MYL2: variants seen among roughly 807,000 people sequenced by gnomAD.
MYL2 encodes the protein myosin light chain 2, also known as myosin regulatory light chain 2, ventricular/cardiac muscle isoform.
In MYL2, 19 loss-of-function variants were observed where a neutral mutation model predicts 23.0. The observed-to-expected ratio is 0.83, with a 90% confidence interval of 0.58 to 1.21. The LOEUF is 1.21. MYL2 is among the 50% of genes most tolerant of loss of function. MYL2 has a pLI of 0.00. For synonymous variants in MYL2, 78 were observed against 76.2 expected, an observed-to-expected ratio of 1.02 and a Z score of -0.13; for missense variants, 180 against 215.1, an observed-to-expected ratio of 0.84 and a Z score of 1.02.
chr12:110,914,461 T>C (rs1015206181), intron 3 of MYL2, 171 bp from the exon 4 acceptor site: 8 of 672,540 alleles, frequency 1.2e-5, no homozygotes, highest in Non-Finnish European at 1.9e-5. Context: ...ACAGTGTTAT[T>C]TATAATAACC....
Position 110,911,074 on chromosome 12 carries a change from C to A in MYL2, c.*3G>T, listed in dbSNP as rs530713211. 1 of 1,613,782 alleles carries A rather than the reference C, an allele frequency of 6.2e-7. No individual in the cohort carries two copies. Among genetic ancestry groups the A allele is most frequent in the Admixed American group, 1.7e-5 (1 of 59,998 alleles). ...AGCCCAGGGCGCAGCAGCGAGCCCC[C>A]TCCTAGTCCTTCTCTTCTCCGTGGG... On this transcript the variant is annotated 3_prime_UTR_variant, in exon 7 of 7. Transcript: ENST00000228841.
At chr12:110,920,452 C>G in intron 1 of MYL2, 75 bp downstream of exon 1, 1 of 1,610,068 alleles carries the variant, frequency 6.2e-7, no homozygotes, top group Non-Finnish European at 8.5e-7. Flanking sequence ...CCCCCTCCGC[C>G]GTGGTCCCTC....
At chr12:110,920,681 GC>G (rs909924038), upstream of MYL2, 61 of 1,070,970 alleles carry the variant, frequency 5.7e-5, no homozygotes, top group African/African-American at 6.2e-5. Context: ...ACCACCTAAG[GC>G]CCCCCCACCC....
At chr12:110,913,745 G>T (rs1477430265) in intron 4 of MYL2, among the ~76,000 whole-genome samples, 1 of 152,124 alleles carries the variant, frequency 6.6e-6, no homozygotes, top group African/African-American at 2.4e-5. Flanking sequence ...TAGTTGCTGT[G>T]TTTTTGTTTT....
Position 110,920,507 on chromosome 12 carries a change from C to T in MYL2, c.3+20G>A, listed in dbSNP as rs967103484. ...CCTCGCCCACCCGGCATCATCACCT[C>T]CTGGAGCCCTTGTACTCACCATGGT... On this transcript the variant is annotated intron_variant, in intron 1 of 6. Transcript: ENST00000228841. 16 of 1,614,036 alleles carry T rather than the reference C, an allele frequency of 9.9e-6. No individual in the cohort carries two copies. Among genetic ancestry groups the T allele is most frequent in the Non-Finnish European group, 1.4e-5 (16 of 1,180,046 alleles).
In MYL2 at chr12:110,919,803, A is replaced by G. The variant is rs551805777; in HGVS notation, c.4-610T>C. Among the ~76,000 whole-genome samples, 5 of 152,310 alleles carry G rather than the reference A, an allele frequency of 3.3e-5. No homozygotes were observed. In the South Asian group the frequency reaches 1.0e-3, roughly 32 times the overall value. ...CCCACCCCACTTCTCTCTGACTTTC[A>G]ATAACAGCAAATGATTCGGTACTCT... On this transcript the variant is annotated intron_variant, in intron 1 of 6. Transcript: ENST00000228841.
chr12:110,917,305 T>C (rs890590430), intron 2 of MYL2, among the ~76,000 whole-genome samples: 4 of 151,898 alleles, frequency 2.6e-5, no homozygotes, highest in Admixed American at 6.6e-5. Flanking sequence ...TAAAAAATAA[T>C]AGCTTTAGGC....
Position 110,920,540 on chromosome 12 carries a change from A to G in MYL2, c.-11T>C, listed in dbSNP as rs2071716243. The G allele has an allele frequency of 6.2e-7, 1 of 1,614,086 alleles. No individual in the cohort carries two copies. The highest frequency in any genetic ancestry group is 8.5e-7 in the Non-Finnish European group (1 of 1,180,018). Reference sequence around the variant, plus strand: ...CCTTGTACTCACCATGGTGGAAAGGACCCAGCACTGCCTCCCGAGAAGAAT... The same window carrying G: ...CCTTGTACTCACCATGGTGGAAAGGGCCCAGCACTGCCTCCCGAGAAGAAT... On this transcript the variant is annotated 5_prime_UTR_variant, in exon 1 of 7. Coordinates refer to ENST00000228841, the MANE Select transcript of MYL2 (RefSeq NM_000432.4).
rs752641375 is a variant in MYL2 at position 110,919,167 on chromosome 12, G to T, written c.30C>A (p.Ala10=). MAPKKAKKR[A]GGANSNVFSM... The stretch of plus-strand genomic sequence containing the variant: ...AGAACACGTTGGAGTTGGCGCCCCC[G>T]GCTCTCTTCTTTGCTTTCTTAGGTG... The change falls in exon 2 of 7, where the codon GCC becomes GCA. Residue 10 remains alanine (A), a synonymous_variant. Transcript: ENST00000228841. The T allele has an allele frequency of 1.2e-6, 2 of 1,613,650 alleles. No homozygotes were observed. The highest frequency in any genetic ancestry group is 8.5e-7 in the Non-Finnish European group (1 of 1,180,002).
chr12:110,919,087 T>A lies in MYL2; in HGVS notation c.93+17A>T, dbSNP rs753749960. On this transcript the variant is annotated intron_variant, in intron 2 of 6. Transcript: ENST00000228841. ...TGGGATTTCCATCCAGGCGGATGAT[T>A]CAATAGCTGCACCCACCTCCTTAAA... 2.0e-5 allele frequency: 33 copies of A among 1,611,702 alleles called. No homozygotes were observed. The highest frequency in any genetic ancestry group is 2.8e-5 in the Non-Finnish European group (33 of 1,178,062).
chr12:110,920,835 C>T (rs549333956), upstream of MYL2: 19 of 530,536 alleles, frequency 3.6e-5, no homozygotes, highest in Admixed American at 9.4e-5. Context: ...GTGCTTGGGC[C>T]GGGGACACTT....
At position 110,913,234 on chromosome 12, in the gene MYL2, G is replaced by T. The variant is rs186323458; in HGVS notation, c.353+12C>A. On this transcript the variant is annotated intron_variant, in intron 5 of 6. Coordinates refer to ENST00000228841, the MANE Select transcript of MYL2 (RefSeq NM_000432.4). ...CAGGGAACCCCCTTCCTCCCCCACAGACCCCACTCACTAATCAGCCTTCAG... is the reference window on the plus strand; with the variant it reads ...CAGGGAACCCCCTTCCTCCCCCACATACCCCACTCACTAATCAGCCTTCAG... The T allele has an allele frequency of 1.4e-4, 219 of 1,614,194 alleles. No homozygotes were observed. In the East Asian group the frequency reaches 4.1e-3, roughly 30 times the overall value.
intron 1 of MYL2, 81 bp downstream of exon 1, chr12:110,920,446 C>G (rs926607161): frequency 1.2e-6 from 2 of 1,607,216 alleles, no homozygotes; most frequent in Admixed American, 1.7e-5. Context: ...CTTCCTCCCC[C>G]TCCGCCGTGG....
intron 6 of MYL2, among the ~76,000 whole-genome samples, chr12:110,912,055 T>C (rs1354704247): frequency 1.3e-5 from 2 of 152,072 alleles, no homozygotes; most frequent in Non-Finnish European, 2.9e-5. Context: ...ACACAGCAGG[T>C]GGAAAGTGAA....
At chr12:110,913,490 G>A (rs549281315) in intron 4 of MYL2, among the ~76,000 whole-genome samples, 166 bp from the exon 5 acceptor site, 8 of 152,296 alleles carry the variant, frequency 5.3e-5, no homozygotes, top group East Asian at 1.9e-4. Flanking sequence ...TCTGTATTTC[G>A]AAGAGAGGGC....
chr12:110,911,242 GTGGGC>G, intron 6 of MYL2, 67 bp from the exon 7 acceptor site: 2 of 564,294 alleles, frequency 3.5e-6, no homozygotes, highest in Non-Finnish European at 6.2e-6. Flanking sequence ...GTGGGGGGCT[GTGGGC>G]GGGGCCTGAG....
chr12:110,918,007 TG>T lies in MYL2; in HGVS notation c.93+1096del, dbSNP rs1445450313. ...GCTGAGGTGGGAGGATTGATTAATC[TG>T]GGAGGTTGATGCTGCAGGGAGCCGT... On this transcript the variant is annotated intron_variant, in intron 2 of 6. Transcript: ENST00000228841. The surrounding 1 kb of genome is among the most constrained non-coding windows in gnomAD (Gnocchi z 4.4). 6.6e-6 allele frequency among the ~76,000 whole-genome samples: 1 copy of T among 152,160 alleles called. No homozygotes were observed.
upstream of MYL2, among the ~76,000 whole-genome samples, chr12:110,920,911 A>G (rs1237004399): frequency 6.6e-6 from 1 of 152,258 alleles, no homozygotes; most frequent in Non-Finnish European, 1.5e-5. Flanking sequence ...CTGTTTTATC[A>G]GCCTGGATCT....
Position 110,918,470 on chromosome 12 carries a change from TG to T in MYL2, c.93+633del, listed in dbSNP as rs199713472. Reference sequence around the variant, plus strand: ...GGCATAGGAATTAGTGCTGTGATTTTGGGGGGCAATTCGGACCAGCAGTTCT... The same window carrying T: ...GGCATAGGAATTAGTGCTGTGATTTTGGGGGCAATTCGGACCAGCAGTTCT... On this transcript the variant is annotated intron_variant, in intron 2 of 6. Transcript: ENST00000228841. The surrounding 1 kb of genome is among the most constrained non-coding windows in gnomAD (Gnocchi z 4.4). Among the ~76,000 whole-genome samples the T allele has an allele frequency of 2.6e-5, 4 of 152,202 alleles. No individual in the cohort carries two copies. Among genetic ancestry groups the T allele is most frequent in the African/African-American group, 9.7e-5 (4 of 41,448 alleles).
Sources: gnomAD v4.1 joint callset for allele counts (sites outside exome capture counted in the v4.1 genomes callset) on GRCh38, gnomAD v4.1.1 for gene constraint, Gnocchi (gnomAD v3.1) non-coding constraint, MANE v1.5 for transcripts, NCBI Gene and HGNC (gene_info 2026-07-23, HGNC 2026-07-21) for gene names.